Variants in TRAPPC9 observed in about 807,000 individuals in gnomAD.
TRAPPC9 encodes the protein IKK2 binding protein.
A neutral mutation model predicts 124.0 loss-of-function variants in TRAPPC9; 83 were observed. The ratio of observed to expected loss-of-function variants is 0.67; its 90% CI spans 0.56 to 0.80. The LOEUF (loss-of-function observed/expected upper bound fraction) is 0.80. Among genes scored for constraint, TRAPPC9 ranks in the 30% least tolerant of loss-of-function variants. TRAPPC9 has a pLI of 0.00. For synonymous variants in TRAPPC9, 638 were observed against 617.5 expected (o/e 1.03, Z -0.49); for missense variants, 1,302 against 1,508.3 (o/e 0.86, Z 2.27).
intron 12 of TRAPPC9, among the ~76,000 whole-genome samples, chr8:140,288,983 T>C (rs372039301): frequency 6.6e-6 from 1 of 152,122 alleles, no homozygotes; most frequent in Non-Finnish European, 1.5e-5. Context: ...TGTGCTGATG[T>C]TGGGAGCCCG....
chr8:140,184,445 T>C (rs2062305220), intron 17 of TRAPPC9, among the ~76,000 whole-genome samples: 1 of 152,154 alleles, frequency 6.6e-6, no homozygotes, highest in Admixed American at 6.5e-5. Flanking sequence ...ATTATTTTTT[T>C]CTCTTTTTGA....
intron 19 of TRAPPC9, among the ~76,000 whole-genome samples, chr8:139,927,486 C>A (rs1312816241): frequency 1.3e-5 from 2 of 152,198 alleles, no homozygotes; most frequent in East Asian, 3.9e-4. Flanking sequence ...GCTCAAGTGA[C>A]CTGCCTGCCT....
chr8:140,033,246 A>G (rs1226537702), intron 17 of TRAPPC9, among the ~76,000 whole-genome samples: 2 of 152,226 alleles, frequency 1.3e-5, no homozygotes, highest in African/African-American at 4.8e-5. Context: ...AATGGATGAG[A>G]ATAAAGATTC....
At chr8:139,737,408 G>C (rs925431057) in intron 21 of TRAPPC9, among the ~76,000 whole-genome samples, 1 of 112,924 alleles carries the variant, frequency 8.9e-6, no homozygotes, top group Non-Finnish European at 1.8e-5. Flanking sequence ...TCCCTCGGCC[G>C]CTCCTCACCA....
intron 16 of TRAPPC9, among the ~76,000 whole-genome samples, chr8:140,231,225 G>A (rs1315484761): frequency 6.6e-6 from 1 of 152,142 alleles, no homozygotes; most frequent in Non-Finnish European, 1.5e-5. Flanking sequence ...CCCAGGACAC[G>A]CCTCCGAGGC....
rs1399739372 is a variant in TRAPPC9 at position 139,984,741 on chromosome 8, A to AG, written c.2810+3984dup. On this transcript the variant is annotated intron_variant, in intron 19 of 22. Transcript: ENST00000438773. The surrounding 1 kb of genome is among the most constrained non-coding windows in gnomAD (Gnocchi z 4.3). ...GCACTGAGAGAGGTTTGGGAAAGGG[A>AG]GGGGAGGGGAATCATGCATTCTAGG... is the stretch of plus-strand genomic sequence containing the variant. Among the ~76,000 whole-genome samples the AG allele has an allele frequency of 2.0e-5, 3 of 152,214 alleles. No homozygotes were observed. Among genetic ancestry groups the AG allele is most frequent in the African/African-American group, 7.2e-5 (3 of 41,460 alleles).
intron 21 of TRAPPC9, among the ~76,000 whole-genome samples, chr8:139,756,932 C>G (rs112496948): frequency 1.9e-3 from 242 of 128,058 alleles, no homozygotes; most frequent in African/African-American, 7.7e-3. Context: ...GCAGGAGGAG[C>G]CAGGGTTGGG....
chr8:139,975,439 G>A (rs1320573028), intron 19 of TRAPPC9, among the ~76,000 whole-genome samples: 1 of 152,188 alleles, frequency 6.6e-6, no homozygotes, highest in East Asian at 1.9e-4. Context: ...CTGCTGGCCT[G>A]GGTCCGCACT....
At chr8:139,876,090 T>A (rs939263797) in intron 21 of TRAPPC9, among the ~76,000 whole-genome samples, 2 of 152,240 alleles carry the variant, frequency 1.3e-5, no homozygotes, top group African/African-American at 4.8e-5. Flanking sequence ...CCATTCTACA[T>A]GAATTTCATG....
At chr8:139,766,440 C>T (rs1586799876) in intron 21 of TRAPPC9, among the ~76,000 whole-genome samples, 1 of 152,352 alleles carries the variant, frequency 6.6e-6, no homozygotes, top group East Asian at 1.9e-4. Context: ...AGTGGCTGTG[C>T]TCTGGGAGCC....
chr8:139,898,219 G>A (rs1830787769), intron 20 of TRAPPC9, among the ~76,000 whole-genome samples: 1 of 152,236 alleles, frequency 6.6e-6, no homozygotes, highest in Non-Finnish European at 1.5e-5. Context: ...CACTTGGCAG[G>A]CTGCCCCTTG....
At chr8:140,050,742 G>A (rs1191464271) in intron 17 of TRAPPC9, among the ~76,000 whole-genome samples, 1 of 152,144 alleles carries the variant, frequency 6.6e-6, no homozygotes, top group Non-Finnish European at 1.5e-5. Flanking sequence ...GGGAAGTAAT[G>A]AGTCACCAGC....
At position 140,436,205 on chromosome 8, in the gene TRAPPC9, G is replaced by C. The variant is rs180709369; in HGVS notation, c.731-965C>G. Among the ~76,000 whole-genome samples, 166 of 152,234 alleles carry C rather than the reference G, an allele frequency of 1.1e-3. 1 individual carries two copies. The highest frequency in any genetic ancestry group is 1.9e-3 in the Non-Finnish European group (132 of 68,016). ...TACTAAAAATACAAAAATTGGCCAGGCATGATAAAACACACCTGTAGCCCC... is the reference window on the plus strand; with the variant it reads ...TACTAAAAATACAAAAATTGGCCAGCCATGATAAAACACACCTGTAGCCCC... On this transcript the variant is annotated intron_variant, in intron 3 of 22. Transcript: ENST00000438773.
At chr8:139,808,020 G>A (rs1470702586) in intron 21 of TRAPPC9, among the ~76,000 whole-genome samples, 2 of 152,184 alleles carry the variant, frequency 1.3e-5, no homozygotes. Context: ...GTTGACCTAA[G>A]AGGAGGGCAG....
Position 139,838,068 on chromosome 8 carries a change from G to A in TRAPPC9, c.3055+47811C>T, listed in dbSNP as rs555762604. Reference sequence around the variant, plus strand: ...TCTAAAGGGCTCGCTGCACCCACAGGCCTCCACACCAGGACTCTTCTCTCT... The same window carrying A: ...TCTAAAGGGCTCGCTGCACCCACAGACCTCCACACCAGGACTCTTCTCTCT... On this transcript the variant is annotated intron_variant, in intron 21 of 22. Coordinates refer to ENST00000438773, the MANE Select transcript of TRAPPC9 (RefSeq NM_001160372.4). 3.3e-5 allele frequency among the ~76,000 whole-genome samples: 5 copies of A among 152,138 alleles called. No individual in the cohort carries two copies. The East Asian group carries it at 9.7e-4, about 29-fold the overall frequency.
At chr8:139,857,208 G>A (rs371154032) in intron 21 of TRAPPC9, among the ~76,000 whole-genome samples, 1 of 152,214 alleles carries the variant, frequency 6.6e-6, no homozygotes, top group African/African-American at 2.4e-5. Flanking sequence ...TGGAGCGCCA[G>A]GAGGTGAGGC....
At position 140,084,754 on chromosome 8, in the gene TRAPPC9, G is replaced by A. The variant is rs539708017; in HGVS notation, c.2557-60675C>T. ...GTGATGCATCTGTCAGAAAGCCCTG[G>A]CTCTGGGGCCTGAAACCTCAAAGGG... On this transcript the variant is annotated intron_variant, in intron 17 of 22. Transcript: ENST00000438773. Among the ~76,000 whole-genome samples the A allele has an allele frequency of 3.9e-5, 6 of 152,336 alleles. No individual in the cohort carries two copies. In the South Asian group the frequency reaches 1.0e-3, roughly 26 times the overall value.
In TRAPPC9 at chr8:139,983,553, G is replaced by A. The variant is rs145850699; in HGVS notation, c.2810+5173C>T. ...ACACAGGCAACACCACACGTACTCA[G>A]CAGCTTCACTCCCAGCAGGGCCTGG... On this transcript the variant is annotated intron_variant, in intron 19 of 22. Transcript: ENST00000438773. 3.0e-3 allele frequency among the ~76,000 whole-genome samples: 460 copies of A among 152,144 alleles called. 2 individuals are homozygous for A. Among genetic ancestry groups the A allele is most frequent in the African/African-American group, 0.01 (427 of 41,522 alleles).
chr8:140,002,844 C>CAAAAAAAAAAA (rs56895763), intron 18 of TRAPPC9, among the ~76,000 whole-genome samples: 3 of 68,800 alleles, frequency 4.4e-5, no homozygotes, highest in Admixed American at 2.1e-4. Flanking sequence ...TTCCACTTAT[C>CAAAAAAAAAAA]AAAAAAAAAA....
Sources: gnomAD v4.1 joint callset for allele counts (sites outside exome capture counted in the v4.1 genomes callset) on GRCh38, gnomAD v4.1.1 for gene constraint, Gnocchi (gnomAD v3.1) non-coding constraint, MANE v1.5 for transcripts, NCBI Gene and HGNC (gene_info 2026-07-23, HGNC 2026-07-21) for gene names.